Variants in PARK7 observed in about 807,000 individuals in gnomAD.
PARK7 encodes Parkinsonism associated deglycase, also known as Parkinson disease protein 7.
In PARK7, 14 loss-of-function variants were observed where a neutral mutation model predicts 20.5. That is an observed-to-expected ratio of 0.68 (90% confidence interval 0.45 to 1.07). The LOEUF (loss-of-function observed/expected upper bound fraction) is 1.07. Ranked by LOEUF, PARK7 falls within the 50% of genes least tolerant of loss-of-function variation. The pLI, the probability that PARK7 is intolerant of heterozygous loss-of-function variation, is 0.00. For missense variants in PARK7, 234 were observed against 238.1 expected, an observed-to-expected ratio of 0.98 and a Z score of 0.11; for synonymous variants, 98 against 84.3, an observed-to-expected ratio of 1.16 and a Z score of -0.89.
rs575618150 is a variant in PARK7 at position 7,965,934 on chromosome 1, C to A, written c.192+509C>A. Among the ~76,000 whole-genome samples, 182 of 152,326 alleles carry A rather than the reference C, an allele frequency of 1.2e-3. 1 individual carries two copies. The highest frequency in any genetic ancestry group is 4.0e-3 in the African/African-American group (165 of 41,564). On this transcript the variant is annotated intron_variant, in intron 3 of 6. Coordinates refer to ENST00000338639, the MANE Select transcript of PARK7 (RefSeq NM_007262.5). ...AAGCAATCCTCCCACCTCAACCCCC[C>A]ACGTAGCTCGGACTACAGGCATGTG...
At chr1:7,964,457 C>G (rs999511288) in intron 2 of PARK7, among the ~76,000 whole-genome samples, 1 of 152,188 alleles carries the variant, frequency 6.6e-6, no homozygotes, top group Non-Finnish European at 1.5e-5. Flanking sequence ...TTAAGTTTAT[C>G]CACTTAAAAT....
intron 6 of PARK7, among the ~76,000 whole-genome samples, chr1:7,981,501 C>G (rs1284060582): frequency 6.6e-6 from 1 of 152,160 alleles, no homozygotes. Flanking sequence ...GACTTCAGAT[C>G]TCTGGCAGCT....
chr1:7,983,221 C>T (rs1198876437), intron 6 of PARK7, among the ~76,000 whole-genome samples: 1 of 152,200 alleles, frequency 6.6e-6, no homozygotes, highest in Non-Finnish European at 1.5e-5. Flanking sequence ...AAAGCTGTGC[C>T]CTCAGGGTGT....
rs767015117 is a variant in PARK7 at position 7,965,421 on chromosome 1, A to G, written c.188A>G (p.Lys63Arg). The G allele has an allele frequency of 1.2e-6, 2 of 1,614,044 alleles. No individual in the cohort carries two copies. The highest frequency in any genetic ancestry group is 2.2e-5 in the South Asian group (2 of 91,084). ...CPDASLEDAK[K>R]EGPYDVVVLP... Reference sequence around the variant, plus strand: ...GATGCCAGCCTTGAAGATGCAAAAAAAGAGGTTTGTAATCCATACATGGAG... The same window carrying G: ...GATGCCAGCCTTGAAGATGCAAAAAGAGAGGTTTGTAATCCATACATGGAG... The change falls in exon 3 of 7, where the codon AAA (lysine) becomes AGA (arginine). Residue 63 changes from lysine to arginine, a missense_variant. Coordinates refer to ENST00000338639, the MANE Select transcript of PARK7 (RefSeq NM_007262.5).
At chr1:7,967,940 G>A (rs767391914) in intron 3 of PARK7, among the ~76,000 whole-genome samples, 21 of 151,906 alleles carry the variant, frequency 1.4e-4, no homozygotes, top group Non-Finnish European at 2.6e-4. Flanking sequence ...TTTATAGGTT[G>A]CACTAAATAC....
At chr1:7,966,365 A>G (rs1049964841) in intron 3 of PARK7, among the ~76,000 whole-genome samples, 4 of 151,974 alleles carry the variant, frequency 2.6e-5, no homozygotes, top group East Asian at 1.9e-4. Context: ...TGGTATTTAC[A>G]TGTGATTTGT....
At chr1:7,977,201 T>A (rs1052080021) in intron 5 of PARK7, among the ~76,000 whole-genome samples, 8 of 152,162 alleles carry the variant, frequency 5.3e-5, no homozygotes, top group Non-Finnish European at 8.8e-5. Flanking sequence ...ATGTGGTCCC[T>A]GTTCTGGGGA....
Position 7,985,136 on chromosome 1 carries a change from G to C in PARK7, c.*82G>C, listed in dbSNP as rs753624096. 3 of 1,534,834 alleles carry C rather than the reference G, an allele frequency of 2.0e-6. No homozygotes were observed. The highest frequency in any genetic ancestry group is 3.9e-5 in the Admixed American group (2 of 51,754). ...TGTGTTCGCTCTAAACAAAACAGTG[G>C]TAGGTTAATGTGTTCAGAAGTCGCT... On this transcript the variant is annotated 3_prime_UTR_variant, in exon 7 of 7. Coordinates refer to ENST00000338639, the MANE Select transcript of PARK7 (RefSeq NM_007262.5).
chr1:7,981,542 A>C (rs902161859), intron 6 of PARK7, among the ~76,000 whole-genome samples: 1 of 152,228 alleles, frequency 6.6e-6, no homozygotes, highest in African/African-American at 2.4e-5. Flanking sequence ...CAATAGCTAC[A>C]GACAGTACTA....
chr1:7,972,975 G>A (rs1328453343), intron 5 of PARK7, among the ~76,000 whole-genome samples: 5 of 152,090 alleles, frequency 3.3e-5, no homozygotes, highest in African/African-American at 1.2e-4. Context: ...TATTGAACCC[G>A]GGCGGCGGAG....
intron 1 of PARK7, among the ~76,000 whole-genome samples, 189 bp from the exon 2 acceptor site, chr1:7,962,573 AT>A (rs1220530821): frequency 6.6e-6 from 1 of 152,170 alleles, no homozygotes; most frequent in African/African-American, 2.4e-5. Context: ...TCTCAGAGCA[AT>A]TAAAACTGCT....
At chr1:7,969,542 A>G in intron 4 of PARK7, 138 bp downstream of exon 4, 2 of 729,080 alleles carry the variant, frequency 2.7e-6, no homozygotes, top group East Asian at 2.7e-5. Context: ...AAAAATAGAA[A>G]CAACTAAAAT....
chr1:7,983,503 C>T (rs754077074), intron 6 of PARK7, among the ~76,000 whole-genome samples: 1 of 152,250 alleles, frequency 6.6e-6, no homozygotes, highest in African/African-American at 2.4e-5. Flanking sequence ...CAGGCACCAC[C>T]AGCTTCTACC....
intron 5 of PARK7, among the ~76,000 whole-genome samples, chr1:7,973,907 CAAAAA>C (rs781083944): frequency 1.3e-5 from 1 of 74,326 alleles, no homozygotes; most frequent in Non-Finnish European, 3.0e-5. Context: ...GACTTCGTTT[CAAAAA>C]AAAAAAAAAA....
intron 3 of PARK7, chr1:7,969,024 G>A (rs1640392992): frequency 8.4e-6 from 2 of 237,538 alleles, no homozygotes; most frequent in Non-Finnish European, 1.7e-5. Context: ...GGTGCTTGTG[G>A]TGATTGTACA....
chr1:7,982,498 G>A (rs933852380), intron 6 of PARK7, among the ~76,000 whole-genome samples: 2 of 152,188 alleles, frequency 1.3e-5, no homozygotes, highest in African/African-American at 4.8e-5. Flanking sequence ...GAGGCAGTTG[G>A]TAACCTTAAA....
rs564181920 is a variant in PARK7, at chr1:7,977,346, C to T, written c.323-306C>T. ...CTTTTGCCAGATGTGCTCAGCAAAT[C>T]GTTTGTTATAAACATACTTTATCTC... is the stretch of plus-strand genomic sequence containing the variant. On this transcript the variant is annotated intron_variant, in intron 5 of 6. Coordinates refer to ENST00000338639, the MANE Select transcript of PARK7 (RefSeq NM_007262.5). Among the ~76,000 whole-genome samples, 12 of 152,244 alleles carry T rather than the reference C, an allele frequency of 7.9e-5. 1 individual carries two copies. In the East Asian group the frequency reaches 9.6e-4, roughly 12 times the overall value.
At chr1:7,975,514 G>C (rs1028589321) in intron 5 of PARK7, among the ~76,000 whole-genome samples, 4 of 152,220 alleles carry the variant, frequency 2.6e-5, no homozygotes, top group Non-Finnish European at 5.9e-5. Flanking sequence ...GTAGTGCAGA[G>C]TACAGAGCGT....
intron 5 of PARK7, among the ~76,000 whole-genome samples, chr1:7,974,140 C>A (rs1027180222): frequency 1.3e-5 from 2 of 148,394 alleles, no homozygotes; most frequent in African/African-American, 2.5e-5. Flanking sequence ...TGAGACCCCC[C>A]CACCGACCTC....
Sources: allele counts gnomAD v4.1 joint callset (sites outside exome capture counted in the v4.1 genomes callset), GRCh38; gene constraint gnomAD v4.1.1; transcripts MANE v1.5; gene names NCBI Gene and HGNC (gene_info 2026-07-23, HGNC 2026-07-21).